CTNNA2: variants seen among roughly 807,000 people sequenced by gnomAD.
CTNNA2 encodes the protein catenin alpha 2.
In CTNNA2, 42 loss-of-function variants were observed where a neutral mutation model predicts 101.0. That is an observed-to-expected ratio of 0.42 (90% confidence interval 0.32 to 0.54). CTNNA2 has a LOEUF of 0.54. Among genes scored for constraint, CTNNA2 ranks in the 20% least tolerant of loss-of-function variants. The pLI, the probability that CTNNA2 is intolerant of heterozygous loss-of-function variation, is 0.14. For synonymous variants in CTNNA2, 450 were observed against 456.4 expected, an observed-to-expected ratio of 0.99 and a Z score of 0.18; for missense variants, 871 against 1,223.1, an observed-to-expected ratio of 0.71 and a Z score of 4.29.
At chr2:79,277,655 A>G (rs1675248188) in intron 2 of CTNNA2, among the ~76,000 whole-genome samples, 1 of 152,112 alleles carries the variant, frequency 6.6e-6, no homozygotes, top group Non-Finnish European at 1.5e-5. Context: ...ATTGAGTTTC[A>G]AAGATGCTCA....
chr2:79,957,006 C>T (rs1689285945), intron 7 of CTNNA2, among the ~76,000 whole-genome samples: 1 of 151,996 alleles, frequency 6.6e-6, no homozygotes, highest in African/African-American at 2.4e-5. Flanking sequence ...CATCCAAACA[C>T]TGATTACTAA....
At chr2:80,397,931 C>T (rs1678178792) in intron 8 of CTNNA2, among the ~76,000 whole-genome samples, 2 of 152,142 alleles carry the variant, frequency 1.3e-5, no homozygotes, top group South Asian at 4.1e-4. Flanking sequence ...AAGGAAGGTT[C>T]ACATAAATAC....
At chr2:79,566,444 AT>A (rs1281263531) in intron 1 of CTNNA2, among the ~76,000 whole-genome samples, 1 of 152,118 alleles carries the variant, frequency 6.6e-6, no homozygotes, top group Admixed American at 6.6e-5. Flanking sequence ...AAAAATGGAA[AT>A]TTTTTTAATG....
At chr2:79,967,136 G>GTGTGTT (rs1553416556) in intron 7 of CTNNA2, among the ~76,000 whole-genome samples, 1 of 149,528 alleles carries the variant, frequency 6.7e-6, no homozygotes, top group Non-Finnish European at 1.5e-5. Flanking sequence ...GTGTGTGTGT[G>GTGTGTT]TGTATGTTAC....
intron 6 of CTNNA2, among the ~76,000 whole-genome samples, chr2:79,899,376 T>C (rs964539901): frequency 1.3e-5 from 2 of 152,160 alleles, no homozygotes; most frequent in African/African-American, 2.4e-5. Flanking sequence ...TGAAATGCCA[T>C]AGCAACTCAG....
chr2:79,767,612 C>T (rs1401234440), intron 3 of CTNNA2, among the ~76,000 whole-genome samples: 1 of 151,956 alleles, frequency 6.6e-6, no homozygotes, highest in African/African-American at 2.4e-5. Flanking sequence ...GGTACTGCCT[C>T]GATGATCTCA....
At chr2:79,501,687 T>C (rs1332391075) in intron 4 of CTNNA2, among the ~76,000 whole-genome samples, 1 of 152,192 alleles carries the variant, frequency 6.6e-6, no homozygotes, top group African/African-American at 2.4e-5. Context: ...TTATTGTAGT[T>C]TCAGGGAAGA....
At chr2:79,272,665 T>A (rs1416586738) in intron 2 of CTNNA2, among the ~76,000 whole-genome samples, 1 of 152,102 alleles carries the variant, frequency 6.6e-6, no homozygotes, top group East Asian at 1.9e-4. Context: ...GTAAATTGGA[T>A]TTTTAAAATT....
intron 7 of CTNNA2, among the ~76,000 whole-genome samples, chr2:80,119,909 T>G (rs1003289789): frequency 2.0e-5 from 3 of 152,212 alleles, no homozygotes; most frequent in Non-Finnish European, 2.9e-5. Context: ...AAAGATGGAC[T>G]AGGTTTTAAT....
At chr2:80,576,420 T>C (rs1466591306) in intron 13 of CTNNA2, 1 of 148,260 alleles carries the variant, frequency 6.7e-6, no homozygotes, top group Non-Finnish European at 1.5e-5. Context: ...TTGGGATCTG[T>C]TAGGCACATA....
At chr2:80,271,938 C>T (rs1354742213) in intron 7 of CTNNA2, among the ~76,000 whole-genome samples, 1 of 152,152 alleles carries the variant, frequency 6.6e-6, no homozygotes, top group Non-Finnish European at 1.5e-5. Flanking sequence ...ATAAGAGAGT[C>T]TTTTAGTGAG....
At chr2:79,961,576 A>G (rs1316026621) in intron 7 of CTNNA2, among the ~76,000 whole-genome samples, 1 of 151,984 alleles carries the variant, frequency 6.6e-6, no homozygotes, top group Non-Finnish European at 1.5e-5. Context: ...TAATCCCAGC[A>G]GTTTGGGAGG....
At chr2:80,595,930 T>C (rs746100373) in intron 15 of CTNNA2, among the ~76,000 whole-genome samples, 1 of 152,198 alleles carries the variant, frequency 6.6e-6, no homozygotes, top group African/African-American at 2.4e-5. Context: ...GGGAATAGCA[T>C]TGAATCTATA....
chr2:79,959,012 C>T (rs1689441694), intron 7 of CTNNA2, among the ~76,000 whole-genome samples: 1 of 152,024 alleles, frequency 6.6e-6, no homozygotes, highest in African/African-American at 2.4e-5. Flanking sequence ...TATTAATCAA[C>T]ACCATTTGTA....
intron 7 of CTNNA2, among the ~76,000 whole-genome samples, chr2:80,084,148 T>C: frequency 6.6e-6 from 1 of 152,266 alleles, no homozygotes; most frequent in Non-Finnish European, 1.5e-5. Flanking sequence ...AATCTGTTGT[T>C]TGTAATGGGA....
At chr2:80,280,739 T>G (rs770667532) in intron 7 of CTNNA2, among the ~76,000 whole-genome samples, 1 of 152,128 alleles carries the variant, frequency 6.6e-6, no homozygotes, top group Admixed American at 6.6e-5. Context: ...CTGAGGAACA[T>G]GATGAAATCT....
chr2:80,066,157 A>C (rs1697971714), intron 7 of CTNNA2, among the ~76,000 whole-genome samples: 1 of 152,210 alleles, frequency 6.6e-6, no homozygotes, highest in South Asian at 2.1e-4. Context: ...TAACTCAAAA[A>C]GATATTACAG....
rs1709264642 is a variant in CTNNA2, at chr2:80,232,333, GTTT to G, written c.1057-160877_1057-160875del. On this transcript the variant is annotated intron_variant, in intron 7 of 18. Coordinates refer to ENST00000402739, the MANE Select transcript of CTNNA2 (RefSeq NM_001282597.3). ...TACAGAATTTGGGTTTTGTTTGTTT[GTTT>G]GTTTGTTTGTTTTTTTTTTTTTTTT... Among the ~76,000 whole-genome samples, 26 of 45,348 alleles carry G rather than the reference GTTT, an allele frequency of 5.7e-4. No individual in the cohort carries two copies. The East Asian group carries it at 0.019, about 33-fold the overall frequency. 29.8% of individuals were successfully genotyped at this position (45,348 alleles called of 152,430 possible).
chr2:79,751,408 A>G (rs982766298), intron 3 of CTNNA2, among the ~76,000 whole-genome samples: 1 of 152,060 alleles, frequency 6.6e-6, no homozygotes, highest in Non-Finnish European at 1.5e-5. Context: ...AGCCTGACCA[A>G]CATAGTGAAA....
Sources: gnomAD v4.1 joint callset for allele counts (sites outside exome capture counted in the v4.1 genomes callset) on GRCh38, gnomAD v4.1.1 for gene constraint, MANE v1.5 for transcripts, NCBI Gene and HGNC (gene_info 2026-07-23, HGNC 2026-07-21) for gene names.